Variants in SLC10A7 observed in about 807,000 individuals in gnomAD.
The protein encoded by SLC10A7 is sodium/bile acid cotransporter 7.
In SLC10A7, 29 loss-of-function variants were observed where a neutral mutation model predicts 43.2. The observed-to-expected ratio is 0.67, with a 90% CI of 0.50 to 0.92. SLC10A7 has a LOEUF of 0.92. Among genes scored for constraint, SLC10A7 ranks in the 40% least tolerant of loss-of-function variants. The pLI, the probability that SLC10A7 is intolerant of heterozygous loss-of-function variation, is 0.00. For synonymous variants in SLC10A7, 152 were observed against 144.8 expected, an observed-to-expected ratio of 1.05 and a Z score of -0.35; for missense variants, 295 against 403.2, an observed-to-expected ratio of 0.73 and a Z score of 2.30.
intron 5 of SLC10A7, among the ~76,000 whole-genome samples, chr4:146,420,753 G>A (rs558512942): frequency 2.0e-5 from 3 of 152,098 alleles, no homozygotes; most frequent in South Asian, 2.1e-4. Context: ...AGCTGGGCAC[G>A]GTGGCTCATT....
chr4:146,442,206 T>C, intron 5 of SLC10A7: 1 of 964,606 alleles, frequency 1.0e-6, no homozygotes, highest in Non-Finnish European at 1.2e-6. Flanking sequence ...ATATTGGTTC[T>C]ACTTATGAAA....
At chr4:146,284,871 G>A (rs144897883) in intron 9 of SLC10A7, among the ~76,000 whole-genome samples, 19 of 152,264 alleles carry the variant, frequency 1.2e-4, no homozygotes, top group Non-Finnish European at 2.2e-4. Flanking sequence ...AAGCACTACA[G>A]ACATACATGA....
intron 5 of SLC10A7, among the ~76,000 whole-genome samples, chr4:146,363,861 G>A (rs944133220): frequency 2.0e-5 from 3 of 151,978 alleles, no homozygotes; most frequent in Admixed American, 6.6e-5. Context: ...GCACCACTAA[G>A]AGGGAAGTTT....
intron 10 of SLC10A7, among the ~76,000 whole-genome samples, chr4:146,279,324 A>G (rs1343175494): frequency 6.6e-6 from 1 of 152,194 alleles, no homozygotes; most frequent in East Asian, 1.9e-4. Context: ...AGATAAGCAA[A>G]GTGATTTGAA....
At chr4:146,298,105 G>A (rs1229741028) in intron 7 of SLC10A7, among the ~76,000 whole-genome samples, 1 of 152,130 alleles carries the variant, frequency 6.6e-6, no homozygotes, top group Non-Finnish European at 1.5e-5. Context: ...TTGAGTCCTG[G>A]CCCCAATCCT....
At chr4:146,510,534 C>T (rs1737366414) in intron 2 of SLC10A7, among the ~76,000 whole-genome samples, 1 of 152,130 alleles carries the variant, frequency 6.6e-6, no homozygotes, top group Non-Finnish European at 1.5e-5. Flanking sequence ...GCTGGGATTA[C>T]AGGCATGAGC....
chr4:146,461,969 C>T (rs961262850), intron 4 of SLC10A7, among the ~76,000 whole-genome samples: 2 of 151,924 alleles, frequency 1.3e-5, no homozygotes, highest in African/African-American at 4.8e-5. Context: ...CTAAAAGCAA[C>T]ACTTGATTCT....
rs139538904 is a variant in SLC10A7 at position 146,489,811 on chromosome 4, C to G, written c.396+14038G>C. The stretch of plus-strand genomic sequence containing the variant: ...CCCACTCAACTGGTAAAAGACTCCT[C>G]TATTTAGCAAACAAGCTTCTAACTC... On this transcript the variant is annotated intron_variant, in intron 4 of 11. Transcript: ENST00000335472. 5.9e-5 allele frequency among the ~76,000 whole-genome samples: 9 copies of G among 152,292 alleles called. No individual in the cohort carries two copies. In the East Asian group the frequency reaches 1.2e-3, roughly 20 times the overall value.
intron 5 of SLC10A7, among the ~76,000 whole-genome samples, chr4:146,367,823 C>T (rs1315242050): frequency 6.6e-6 from 1 of 152,080 alleles, no homozygotes; most frequent in Non-Finnish European, 1.5e-5. Context: ...AATAAATATT[C>T]ACAAAGTGAC....
intron 5 of SLC10A7, among the ~76,000 whole-genome samples, chr4:146,370,756 C>G (rs1736716385): frequency 6.6e-6 from 1 of 152,248 alleles, no homozygotes; most frequent in South Asian, 2.1e-4. Flanking sequence ...TTCTTTGTCT[C>G]TCTTATTTAC....
chr4:146,493,080 ACAT>A (rs1735595947), intron 4 of SLC10A7, among the ~76,000 whole-genome samples: 1 of 152,250 alleles, frequency 6.6e-6, no homozygotes, highest in Non-Finnish European at 1.5e-5. Context: ...ATACACAAAT[ACAT>A]GTGTAATTAG....
chr4:146,254,789 G>T lies in SLC10A7; in HGVS notation c.*1702C>A, dbSNP rs977202593. The T allele has an allele frequency of 1.3e-5, 2 of 152,148 alleles. No homozygotes were observed. The highest frequency in any genetic ancestry group is 6.5e-5 in the Admixed American group (1 of 15,280). The allele number at this position is 152,148 out of a possible 1,614,324, so 9.4% of individuals were successfully genotyped here. On this transcript the variant is annotated 3_prime_UTR_variant, in exon 12 of 12. Coordinates refer to ENST00000335472, the MANE Select transcript of SLC10A7 (RefSeq NM_001029998.6). ...GAACAAAACCTAAGAGCCTTCCTGTGCTCCATAGGTAAGCACAATTACCTA... is the reference window on the plus strand; with the variant it reads ...GAACAAAACCTAAGAGCCTTCCTGTTCTCCATAGGTAAGCACAATTACCTA...
intron 5 of SLC10A7, among the ~76,000 whole-genome samples, chr4:146,336,561 G>T (rs977196766): frequency 1.3e-5 from 2 of 152,022 alleles, no homozygotes; most frequent in African/African-American, 4.8e-5. Flanking sequence ...ATTTGTCAAA[G>T]ATAGTGATTC....
chr4:146,392,505 G>T (rs141239616), intron 5 of SLC10A7, among the ~76,000 whole-genome samples: 1 of 152,144 alleles, frequency 6.6e-6, no homozygotes, highest in Non-Finnish European at 1.5e-5. Flanking sequence ...GTGCAAAGAT[G>T]AATACACACA....
intron 9 of SLC10A7, among the ~76,000 whole-genome samples, chr4:146,284,482 G>A (rs185179514): frequency 1.1e-3 from 166 of 151,798 alleles, no homozygotes; most frequent in Non-Finnish European, 1.7e-3. Flanking sequence ...ACCCCACCCT[G>A]CTTCCTCATC....
At chr4:146,286,271 C>T (rs74895730) in intron 9 of SLC10A7, among the ~76,000 whole-genome samples, 199 of 14,636 alleles carry the variant, frequency 0.014, no homozygotes, top group East Asian at 0.076. Flanking sequence ...TGAGAAGGAC[C>T]GTGTTTGGAG....
chr4:146,283,074 T>A, intron 10 of SLC10A7, 118 bp downstream of exon 10: 1 of 761,340 alleles, frequency 1.3e-6, no homozygotes. Context: ...CTGTTCCTTA[T>A]CTAATAGTGT....
chr4:146,299,234 C>T (rs994035474), intron 7 of SLC10A7, among the ~76,000 whole-genome samples: 1 of 152,146 alleles, frequency 6.6e-6, no homozygotes, highest in South Asian at 2.1e-4. Flanking sequence ...AAGTAGCCTG[C>T]CATGCAGGAC....
Position 146,415,206 on chromosome 4 carries a change from C to A in SLC10A7, c.435+27577G>T, listed in dbSNP as rs142479957. On this transcript the variant is annotated intron_variant, in intron 5 of 11. Coordinates refer to ENST00000335472, the MANE Select transcript of SLC10A7 (RefSeq NM_001029998.6). Reference sequence around the variant, plus strand: ...TACTACTTTCTGTAACTTGAACTAACCTCTGGTTTAAAGTGGAATTCCTTC... The same window carrying A: ...TACTACTTTCTGTAACTTGAACTAAACTCTGGTTTAAAGTGGAATTCCTTC... Among the ~76,000 whole-genome samples the A allele has an allele frequency of 9.9e-4, 150 of 152,202 alleles. 1 individual carries two copies. In the East Asian group the frequency reaches 0.02, roughly 20 times the overall value.
Sources: gnomAD v4.1 joint callset for allele counts (sites outside exome capture counted in the v4.1 genomes callset) on GRCh38, gnomAD v4.1.1 for gene constraint, MANE v1.5 for transcripts, NCBI Gene and HGNC (gene_info 2026-07-23, HGNC 2026-07-21) for gene names.